Variants in CCDC178 observed in about 807,000 individuals in gnomAD.
CCDC178 encodes the protein coiled-coil domain containing 178, also known as coiled-coil domain-containing protein 178.
A neutral mutation model predicts 117.4 loss-of-function variants in CCDC178; 126 were observed. That is an observed-to-expected ratio of 1.07 (90% CI 0.93 to 1.24). The LOEUF (loss-of-function observed/expected upper bound fraction) is 1.24. Among genes scored for constraint, CCDC178 ranks in the 50% most tolerant of loss-of-function variants. The pLI, the probability that CCDC178 is intolerant of heterozygous loss-of-function variation, is 0.00. For synonymous variants in CCDC178, 283 were observed against 313.4 expected (o/e 0.90, Z 1.02); for missense variants, 1,030 against 986.9 (o/e 1.04, Z -0.59).
chr18:32,996,841 T>A (rs905928078), intron 21 of CCDC178, among the ~76,000 whole-genome samples: 1 of 152,006 alleles, frequency 6.6e-6, no homozygotes, highest in African/African-American at 2.4e-5. Context: ...AAGTGACACA[T>A]GTATTATAAA....
intron 20 of CCDC178, among the ~76,000 whole-genome samples, chr18:33,131,264 T>C (rs2058066311): frequency 6.6e-6 from 1 of 151,854 alleles, no homozygotes; most frequent in East Asian, 1.9e-4. Context: ...TTAAATCAGT[T>C]TTCTACATGC....
chr18:33,211,760 G>A, intron 20 of CCDC178, 136 bp downstream of exon 20: 1 of 638,904 alleles, frequency 1.6e-6, no homozygotes. Flanking sequence ...AAACTTCCAG[G>A]TTTATTATGT....
intron 11 of CCDC178, among the ~76,000 whole-genome samples, chr18:33,300,090 T>C (rs577590817): frequency 2.6e-5 from 4 of 152,252 alleles, no homozygotes; most frequent in African/African-American, 9.6e-5. Context: ...GGATAGTGAG[T>C]GAGTTCTCAC....
intron 14 of CCDC178, among the ~76,000 whole-genome samples, chr18:33,250,008 G>A (rs1166494184): frequency 6.6e-6 from 1 of 151,838 alleles, no homozygotes; most frequent in Non-Finnish European, 1.5e-5. Context: ...GGATTCCTAG[G>A]TATTTTATTC....
At position 33,396,823 on chromosome 18, in the gene CCDC178, C is replaced by T. The variant is rs139354814; in HGVS notation, c.118+326G>A. Among the ~76,000 whole-genome samples the T allele has an allele frequency of 2.5e-3, 381 of 152,012 alleles. 2 individuals carry two copies. Among genetic ancestry groups the T allele is most frequent in the African/African-American group, 8.8e-3 (363 of 41,474 alleles). ...GGGAGACCTTCTGAAATGCCGGGAA[C>T]GTCTATGTGTGGAGTGAGTGAAGGT... On this transcript the variant is annotated intron_variant, in intron 4 of 22. Transcript: ENST00000383096.
intron 11 of CCDC178, among the ~76,000 whole-genome samples, chr18:33,322,577 G>T (rs577245910): frequency 6.6e-6 from 1 of 151,470 alleles, no homozygotes; most frequent in African/African-American, 2.4e-5. Flanking sequence ...AAATTAATTA[G>T]AACTCAACAT....
chr18:33,343,545 A>T (rs1437027211), intron 9 of CCDC178, among the ~76,000 whole-genome samples: 1 of 152,126 alleles, frequency 6.6e-6, no homozygotes, highest in Non-Finnish European at 1.5e-5. Flanking sequence ...ACCCATCTCC[A>T]TTATCTCCCC....
At chr18:33,433,900 T>C (rs1423022388) in intron 2 of CCDC178, among the ~76,000 whole-genome samples, 3 of 152,132 alleles carry the variant, frequency 2.0e-5, no homozygotes, top group Non-Finnish European at 2.9e-5. Flanking sequence ...AAAAAGGAAG[T>C]AATGCTTTCA....
chr18:33,297,686 T>C (rs2062123084), intron 11 of CCDC178, among the ~76,000 whole-genome samples: 1 of 152,142 alleles, frequency 6.6e-6, no homozygotes, highest in South Asian at 2.1e-4. Context: ...TTACAAAAAG[T>C]CTTCCCCCCA....
chr18:32,984,984 G>A (rs992589766), intron 21 of CCDC178, among the ~76,000 whole-genome samples: 1 of 151,798 alleles, frequency 6.6e-6, no homozygotes, highest in African/African-American at 2.4e-5. Context: ...TTTCTCTGAT[G>A]ATTATCCACA....
intron 11 of CCDC178, among the ~76,000 whole-genome samples, chr18:33,317,915 G>T (rs996721092): frequency 2.6e-5 from 4 of 152,150 alleles, no homozygotes; most frequent in South Asian, 2.1e-4. Context: ...AGGACCTCAG[G>T]CCTCATTATA....
At chr18:33,154,115 T>C (rs987718544) in intron 20 of CCDC178, among the ~76,000 whole-genome samples, 4 of 152,146 alleles carry the variant, frequency 2.6e-5, no homozygotes, top group Admixed American at 6.5e-5. Flanking sequence ...TTCTTGTAGA[T>C]TGAAATTATA....
At chr18:33,302,388 A>G (rs1293037256) in intron 11 of CCDC178, among the ~76,000 whole-genome samples, 4 of 152,232 alleles carry the variant, frequency 2.6e-5, no homozygotes, top group Non-Finnish European at 4.4e-5. Flanking sequence ...TAAATAAATA[A>G]AAATAAGGAG....
At chr18:32,987,378 G>A (rs192261021) in intron 21 of CCDC178, among the ~76,000 whole-genome samples, 16 of 151,998 alleles carry the variant, frequency 1.1e-4, no homozygotes, top group African/African-American at 3.6e-4. Context: ...GACAAATAGT[G>A]TTCTTAGATA....
intron 16 of CCDC178, among the ~76,000 whole-genome samples, 153 bp downstream of exon 16, chr18:33,226,640 G>A (rs767828433): frequency 6.6e-6 from 1 of 152,202 alleles, no homozygotes; most frequent in Non-Finnish European, 1.5e-5. Flanking sequence ...ACTGCTGGTT[G>A]TACACAGAGG....
intron 5 of CCDC178, among the ~76,000 whole-genome samples, chr18:33,388,733 A>T (rs1041929740): frequency 6.0e-5 from 9 of 150,830 alleles, no homozygotes; most frequent in Admixed American, 3.3e-4. Flanking sequence ...TTTAGCCGGG[A>T]TGGTCTCGAT....
chr18:32,956,968 G>A (rs1482047739), intron 22 of CCDC178, among the ~76,000 whole-genome samples: 1 of 124,322 alleles, frequency 8.0e-6, no homozygotes. Context: ...CTAAAGGAAG[G>A]AAGGAAAGCT....
At chr18:33,328,704 A>G (rs1395015011) in intron 10 of CCDC178, among the ~76,000 whole-genome samples, 1 of 152,104 alleles carries the variant, frequency 6.6e-6, no homozygotes, top group Admixed American at 6.5e-5. Context: ...TGCTTACTAC[A>G]GCTTTGTAGT....
chr18:33,112,585 A>T (rs371346465), intron 20 of CCDC178, among the ~76,000 whole-genome samples: 2 of 151,882 alleles, frequency 1.3e-5, no homozygotes, highest in African/African-American at 4.8e-5. Context: ...GTTTTCCTGA[A>T]AGATAAAGTG....
Sources: allele counts gnomAD v4.1 joint callset (sites outside exome capture counted in the v4.1 genomes callset), GRCh38; gene constraint gnomAD v4.1.1; transcripts MANE v1.5; gene names NCBI Gene and HGNC (gene_info 2026-07-23, HGNC 2026-07-21).